Variants in UBAC2 observed in about 807,000 individuals in gnomAD.
UBAC2 encodes the protein UBA domain containing 2.
In UBAC2, 26 loss-of-function variants were observed where a neutral mutation model predicts 44.0. That is an observed-to-expected ratio of 0.59 (90% CI 0.43 to 0.82). The LOEUF (loss-of-function observed/expected upper bound fraction) is 0.82. Among genes scored for constraint, UBAC2 ranks in the 40% least tolerant of loss-of-function variants. The probability of loss-of-function intolerance (pLI) is 0.00; values close to 1 mark genes in which losing one functional copy is unlikely to be tolerated. For missense variants in UBAC2, 329 were observed against 419.4 expected (o/e 0.78, Z 1.88); for synonymous variants, 155 against 154.3 (o/e 1.00, Z -0.04).
At chr13:99,201,293 G>A (rs779652453) in intron 1 of UBAC2, 7 of 1,462,104 alleles carry the variant, frequency 4.8e-6, no homozygotes, top group Non-Finnish European at 6.3e-6. Flanking sequence ...CTGAAGGAAG[G>A]GGCCGTCCCC....
intron 8 of UBAC2, among the ~76,000 whole-genome samples, chr13:99,378,237 C>T (rs977014681): frequency 1.3e-5 from 2 of 152,206 alleles, no homozygotes. Flanking sequence ...TTAAAAACTT[C>T]AATATCTGGC....
At chr13:99,306,404 T>TG (rs11441292) in intron 4 of UBAC2, among the ~76,000 whole-genome samples, 3,321 of 152,060 alleles carry the variant, frequency 0.022, 98 homozygotes, top group African/African-American at 0.071. Context: ...AACTTGTGTG[T>TG]GGGGGGGCCA....
rs58662292 is a variant in UBAC2, at chr13:99,335,877, C to G, written c.562-4443C>G. On this transcript the variant is annotated intron_variant, in intron 6 of 8. Coordinates refer to ENST00000403766, the MANE Select transcript of UBAC2 (RefSeq NM_001144072.2). ...GTGAGAGTTCTCAGTTCCCTCCATC[C>G]TTACCAAAACCTCACACCTGGAATC... Among the ~76,000 whole-genome samples the G allele has an allele frequency of 1.4e-3, 218 of 152,180 alleles. 1 individual carries two copies. The highest frequency in any genetic ancestry group is 5.0e-3 in the African/African-American group (206 of 41,518).
At chr13:99,334,232 A>G (rs983103228) in intron 6 of UBAC2, among the ~76,000 whole-genome samples, 3 of 152,070 alleles carry the variant, frequency 2.0e-5, no homozygotes, top group African/African-American at 7.2e-5. Flanking sequence ...ACATGCTGGG[A>G]TTACAGGCGT....
intron 2 of UBAC2, among the ~76,000 whole-genome samples, chr13:99,242,707 A>C: frequency 1.7e-5 from 2 of 120,112 alleles, no homozygotes; most frequent in African/African-American, 3.1e-5. Flanking sequence ...TCCCTCCCCG[A>C]CGGGGCGGCT....
chr13:99,349,681 T>C (rs61974212), intron 7 of UBAC2, among the ~76,000 whole-genome samples: 16,344 of 152,292 alleles, frequency 0.11, 995 homozygotes, highest in South Asian at 0.28. Flanking sequence ...TATGCACTTA[T>C]AAGAAAGATC....
At chr13:99,267,225 G>A (rs1380034967) in intron 4 of UBAC2, among the ~76,000 whole-genome samples, 2 of 152,060 alleles carry the variant, frequency 1.3e-5, no homozygotes, top group African/African-American at 4.8e-5. Flanking sequence ...AATCTTTCTT[G>A]GTTGTTGAGC....
chr13:99,246,333 T>C (rs1020897223), intron 4 of UBAC2, among the ~76,000 whole-genome samples: 1 of 152,228 alleles, frequency 6.6e-6, no homozygotes, highest in African/African-American at 2.4e-5. Context: ...GTAATTAGAC[T>C]GAGAAGTTAA....
At chr13:99,366,626 T>C (rs1045618508) in intron 7 of UBAC2, among the ~76,000 whole-genome samples, 1 of 96,998 alleles carries the variant, frequency 1.0e-5, no homozygotes, top group African/African-American at 2.8e-5. Flanking sequence ...CTTTTTAGTT[T>C]GATTTTTTTT....
chr13:99,224,722 A>G lies in UBAC2; in HGVS notation c.32-13705A>G, dbSNP rs144821826. Among the ~76,000 whole-genome samples the G allele has an allele frequency of 9.5e-3, 1,445 of 152,348 alleles. 51 individuals are homozygous for G. Among genetic ancestry groups the G allele is most frequent in the Admixed American group, 0.072 (1,099 of 15,298 alleles). On this transcript the variant is annotated intron_variant, in intron 1 of 8. Coordinates refer to ENST00000403766, the MANE Select transcript of UBAC2 (RefSeq NM_001144072.2). ...AAATATCAATCCCTTTATTTATTTG[A>G]TCAGTACCATATGATTTTTAAAAAT...
At chr13:99,327,904 G>A (rs1475878065) in intron 6 of UBAC2, among the ~76,000 whole-genome samples, 4 of 151,952 alleles carry the variant, frequency 2.6e-5, no homozygotes, top group Non-Finnish European at 2.9e-5. Flanking sequence ...TGTATAGTTC[G>A]TTGAACTTTG....
intron 7 of UBAC2, among the ~76,000 whole-genome samples, chr13:99,367,563 ATTAC>A (rs1051145131): frequency 5.3e-5 from 8 of 152,256 alleles, no homozygotes; most frequent in East Asian, 3.9e-4. Flanking sequence ...TACACTGCCT[ATTAC>A]TTTCTTTTCT....
chr13:99,302,998 TG>T (rs2044278991), intron 4 of UBAC2, among the ~76,000 whole-genome samples: 2 of 90,492 alleles, frequency 2.2e-5, no homozygotes, highest in Non-Finnish European at 4.3e-5. Context: ...TCCGTCTGTT[TG>T]GGGGACCTCC....
intron 6 of UBAC2, among the ~76,000 whole-genome samples, chr13:99,338,071 T>TTTA (rs781548760): frequency 0.18 from 18,671 of 104,772 alleles, 2,221 homozygotes; most frequent in Non-Finnish European, 0.26. Flanking sequence ...TTTTTTTTTT[T>TTTA]TTTTGAGACA....
At chr13:99,292,719 T>TTTG (rs5806106) in intron 4 of UBAC2, among the ~76,000 whole-genome samples, 1 of 484 alleles carries the variant, frequency 2.1e-3, no homozygotes, top group African/African-American at 2.4e-3. Flanking sequence ...GCTTTGAGGG[T>TTTG]TTTTTTTTTT....
intron 4 of UBAC2, among the ~76,000 whole-genome samples, chr13:99,257,638 A>C (rs1360352960): frequency 6.6e-6 from 1 of 152,224 alleles, no homozygotes; most frequent in Non-Finnish European, 1.5e-5. Context: ...AAATATTGAA[A>C]AGTGATTGAC....
At chr13:99,287,643 C>CTTTTTTTT (rs11304203) in intron 4 of UBAC2, among the ~76,000 whole-genome samples, 7 of 95,150 alleles carry the variant, frequency 7.4e-5, no homozygotes, top group African/African-American at 1.8e-4. Flanking sequence ...TTTTTTCTTT[C>CTTTTTTTT]TTTTTTTTTT....
chr13:99,258,299 CTT>C (rs1412657514), intron 4 of UBAC2: 3 of 152,178 alleles, frequency 2.0e-5, no homozygotes, highest in African/African-American at 7.2e-5. Context: ...GTTTTAGACT[CTT>C]TTGTTGCTTT....
intron 4 of UBAC2, among the ~76,000 whole-genome samples, chr13:99,272,799 T>C (rs965761663): frequency 7.2e-5 from 11 of 152,168 alleles, no homozygotes; most frequent in Non-Finnish European, 1.5e-4. Context: ...GGGCTAGTGC[T>C]TCAACATATG....
Sources: allele counts gnomAD v4.1 joint callset (sites outside exome capture counted in the v4.1 genomes callset), GRCh38; gene constraint gnomAD v4.1.1; transcripts MANE v1.5; gene names NCBI Gene and HGNC (gene_info 2026-07-23, HGNC 2026-07-21).